Variants in TDRD9 observed in about 807,000 individuals in gnomAD.
The protein encoded by TDRD9 is tudor domain containing 9.
TDRD9 carries 124 observed loss-of-function variants against 172.6 expected under a neutral mutation model. The observed-to-expected ratio is 0.72, with a 90% CI of 0.62 to 0.83. TDRD9 has a LOEUF of 0.83. Ranked by LOEUF, TDRD9 falls within the 40% of genes least tolerant of loss-of-function variation. The probability of loss-of-function intolerance (pLI) is 0.00; values close to 1 mark genes in which losing one functional copy is unlikely to be tolerated. For synonymous variants in TDRD9, 619 were observed against 617.1 expected (o/e 1.00, Z -0.05); for missense variants, 1,479 against 1,714.1 (o/e 0.86, Z 2.42).
rs751040524 is a variant in TDRD9, at chr14:104,018,067, T to C, written c.2332-25T>C. 8.7e-6 allele frequency: 12 copies of C among 1,380,248 alleles called. No individual in the cohort carries two copies. The Admixed American group carries it at 2.0e-4, about 23-fold the overall frequency. 85.5% of individuals were successfully genotyped at this position (1,380,248 alleles called of 1,614,324 possible). On this transcript the variant is annotated intron_variant, in intron 22 of 35. Coordinates refer to ENST00000409874, the MANE Select transcript of TDRD9 (RefSeq NM_153046.3). ...TATTTTGTTAGCTCTAGTAATCTGC[T>C]CTGATTTTGTGTTATATTTTACAGT...
At chr14:104,009,858 T>C (rs2034556579) in intron 20 of TDRD9, among the ~76,000 whole-genome samples, 2 of 152,070 alleles carry the variant, frequency 1.3e-5, no homozygotes, top group African/African-American at 4.8e-5. Context: ...CTTGACTTCC[T>C]GGGCTCAAGC....
chr14:104,027,579 A>G (rs2035160878), intron 28 of TDRD9, among the ~76,000 whole-genome samples: 1 of 152,188 alleles, frequency 6.6e-6, no homozygotes, highest in Non-Finnish European at 1.5e-5. Context: ...TTTAGTTGCC[A>G]CATAATCATT....
chr14:103,996,589 G>A (rs1653980706), intron 12 of TDRD9, among the ~76,000 whole-genome samples: 1 of 152,208 alleles, frequency 6.6e-6, no homozygotes, highest in Non-Finnish European at 1.5e-5. Context: ...GGTGGCTGGG[G>A]TGTAGGGAAC....
chr14:104,001,744 G>T (rs915723259), intron 13 of TDRD9, among the ~76,000 whole-genome samples: 2 of 152,106 alleles, frequency 1.3e-5, no homozygotes, highest in African/African-American at 4.8e-5. Flanking sequence ...GAGTAGCTGG[G>T]ACTACAGGCA....
chr14:104,043,876 C>G (rs1185729818), intron 34 of TDRD9, among the ~76,000 whole-genome samples: 1 of 152,222 alleles, frequency 6.6e-6, no homozygotes, highest in Admixed American at 6.5e-5. Flanking sequence ...AGCCTTTGAT[C>G]CCCTCTCTGC....
intron 2 of TDRD9, among the ~76,000 whole-genome samples, chr14:103,959,544 A>C (rs2032409811): frequency 6.6e-6 from 1 of 151,746 alleles, no homozygotes; most frequent in Admixed American, 6.6e-5. Context: ...TTCTATTAAA[A>C]CCATGAGATT....
intron 1 of TDRD9, among the ~76,000 whole-genome samples, chr14:103,942,993 A>C (rs1021649181): frequency 3.3e-5 from 5 of 152,126 alleles, no homozygotes; most frequent in Admixed American, 1.3e-4. Context: ...GAACATACAA[A>C]ATTCTAAACA....
chr14:103,952,854 C>T (rs1027146085), intron 1 of TDRD9, among the ~76,000 whole-genome samples: 1 of 150,202 alleles, frequency 6.7e-6, no homozygotes, highest in African/African-American at 2.5e-5. Context: ...ATTCTCCTGC[C>T]TCAGTCTCCC....
intron 1 of TDRD9, among the ~76,000 whole-genome samples, chr14:103,947,643 CAAAT>C (rs966856444): frequency 1.5e-4 from 23 of 152,188 alleles, no homozygotes; most frequent in African/African-American, 5.5e-4. Flanking sequence ...GTCTTTTCAG[CAAAT>C]GATGCTGAGA....
At chr14:104,024,403 C>T (rs1463540044) in intron 24 of TDRD9, among the ~76,000 whole-genome samples, 166 bp from the exon 25 acceptor site, 2 of 152,070 alleles carry the variant, frequency 1.3e-5, no homozygotes, top group Non-Finnish European at 2.9e-5. Context: ...AGCAGAAATT[C>T]ATGTTTGAGA....
chr14:103,942,310 C>G (rs1343300733), intron 1 of TDRD9: 3 of 152,200 alleles, frequency 2.0e-5, no homozygotes, highest in African/African-American at 7.2e-5. Flanking sequence ...CTCATTAATT[C>G]ACCTTGTAAG....
At chr14:104,004,112 C>A in intron 13 of TDRD9, 126 bp from the exon 14 acceptor site, 1 of 479,916 alleles carries the variant, frequency 2.1e-6, no homozygotes. Flanking sequence ...TTTTTACTGA[C>A]ATAGTCTGGT....
chr14:104,009,936 T>G (rs1440477626), intron 20 of TDRD9, among the ~76,000 whole-genome samples: 1 of 150,518 alleles, frequency 6.6e-6, no homozygotes, highest in Non-Finnish European at 1.5e-5. Flanking sequence ...TAATTTGTTT[T>G]TTCTTTCTTT....
intron 1 of TDRD9, among the ~76,000 whole-genome samples, chr14:103,954,988 A>G (rs2152131175): frequency 6.6e-6 from 1 of 151,148 alleles, no homozygotes; most frequent in East Asian, 2.0e-4. Flanking sequence ...GTGCAGTGGC[A>G]TAATCTTGGC....
chr14:103,952,208 ATATATATATATATTTTTTTTTTTTTTT>A (rs2031934696), intron 1 of TDRD9, among the ~76,000 whole-genome samples: 1 of 75,092 alleles, frequency 1.3e-5, no homozygotes, highest in Non-Finnish European at 2.4e-5. Context: ...ATATATATAT[ATATATATATATATTTTTTTTTTTTTTT>A]TTTTTTTTTT....
intron 1 of TDRD9, among the ~76,000 whole-genome samples, chr14:103,934,282 G>A (rs377711451): frequency 4.6e-5 from 7 of 152,232 alleles, no homozygotes; most frequent in African/African-American, 1.7e-4. Context: ...CAAAATGCTG[G>A]GATTATAGGA....
At chr14:103,952,727 C>CCCT (rs2031996067) in intron 1 of TDRD9, among the ~76,000 whole-genome samples, 1 of 86,544 alleles carries the variant, frequency 1.2e-5, no homozygotes, top group African/African-American at 4.1e-5. Context: ...GGAATTCTCT[C>CCCT]TCTTTTTTTT....
rs1222314869 is a variant in TDRD9 at position 104,025,570 on chromosome 14, G to T, written c.2725G>T (p.Glu909Ter). 1 of 1,613,588 alleles carries T rather than the reference G, an allele frequency of 6.2e-7. No homozygotes were observed. The highest frequency in any genetic ancestry group is 8.5e-7 in the Non-Finnish European group (1 of 1,179,766). ...LLTIDVTEVV[E>*]VGHFWGYRID... ...TCCTCCTCTTCCTTTTTAGGTGGTT[G>T]AAGTGGGACACTTTTGGGGATACAG... Residue 909 changes from glutamate (E) to a stop codon, truncating the protein, a stop_gained, in exon 26 of 36, where the codon GAA becomes TAA. Transcript: ENST00000409874. LOFTEE classifies it high-confidence loss of function.
intron 14 of TDRD9, 91 bp downstream of exon 14, chr14:104,004,426 A>T (rs2368994): frequency 2.8e-6 from 2 of 712,588 alleles, no homozygotes; most frequent in African/African-American, 1.8e-5. Flanking sequence ...TGTTGTCTGG[A>T]CTGGAGTGCA....
Sources: gnomAD v4.1 joint callset for allele counts (sites outside exome capture counted in the v4.1 genomes callset) on GRCh38, gnomAD v4.1.1 for gene constraint, MANE v1.5 for transcripts, NCBI Gene and HGNC (gene_info 2026-07-23, HGNC 2026-07-21) for gene names.